Variants in C1orf141 observed in about 807,000 individuals in gnomAD.
C1orf141 encodes the protein chromosome 1 open reading frame 141, also known as uncharacterized protein C1orf141.
A neutral mutation model predicts 23.2 loss-of-function variants in C1orf141; 19 were observed. The observed-to-expected ratio is 0.82, with a 90% CI of 0.57 to 1.20. The LOEUF is 1.20. Ranked by LOEUF, C1orf141 falls within the 50% of genes most tolerant of loss-of-function variation. C1orf141 has a pLI of 0.00. For synonymous variants in C1orf141, 153 were observed against 154.6 expected, an observed-to-expected ratio of 0.99 and a Z score of 0.08; for missense variants, 469 against 455.1, an observed-to-expected ratio of 1.03 and a Z score of -0.28.
intron 2 of C1orf141, among the ~76,000 whole-genome samples, chr1:67,129,530 A>G (rs1257885889): frequency 6.6e-6 from 1 of 152,136 alleles, no homozygotes; most frequent in East Asian, 1.9e-4. Flanking sequence ...CTGCCTTGTG[A>G]CGAACCACAC....
intron 7 of C1orf141, chr1:67,094,028 C>T (rs1005136885): frequency 6.5e-6 from 1 of 152,684 alleles, no homozygotes; most frequent in Non-Finnish European, 1.5e-5. Flanking sequence ...GATTACAAGC[C>T]AAAATTACAA....
Position 67,092,958 on chromosome 1 carries a change from TG to T in C1orf141, c.*46del. On this transcript the variant is annotated 3_prime_UTR_variant, in exon 8 of 8. Coordinates refer to ENST00000684719, the MANE Select transcript of C1orf141 (RefSeq NM_001276351.2). ...GAATTTCTTTTATAATTTTGGAACT[TG>T]GATATTTGCTTCTTGTTACTCAAAT... 6.9e-7 allele frequency: 1 copy of T among 1,446,434 alleles called. No individual in the cohort carries two copies. Among genetic ancestry groups the T allele is most frequent in the Non-Finnish European group, 9.4e-7 (1 of 1,065,658 alleles). The allele number at this position is 1,446,434 out of a possible 1,614,324, so 89.6% of individuals were successfully genotyped here. A position where few individuals can be genotyped will look rare whatever the true frequency, so the allele number is the denominator to read the frequency against.
At chr1:67,104,350 T>C (rs1645873764) in intron 5 of C1orf141, among the ~76,000 whole-genome samples, 1 of 152,130 alleles carries the variant, frequency 6.6e-6, no homozygotes, top group South Asian at 2.1e-4. Flanking sequence ...AAAAATAGCA[T>C]ATTTATAGCA....
intron 5 of C1orf141, among the ~76,000 whole-genome samples, chr1:67,105,903 G>C (rs1349428028): frequency 6.6e-6 from 1 of 152,146 alleles, no homozygotes; most frequent in Admixed American, 6.6e-5. Context: ...AGGACAAACA[G>C]AGCTGCTGGA....
chr1:67,100,344 A>C (rs114884340), intron 5 of C1orf141, among the ~76,000 whole-genome samples: 1 of 152,042 alleles, frequency 6.6e-6, no homozygotes, highest in African/African-American at 2.4e-5. Context: ...TCAGATTTCA[A>C]TTTGGTTTAC....
chr1:67,108,273 C>A (rs189051677), intron 5 of C1orf141, among the ~76,000 whole-genome samples: 34 of 152,258 alleles, frequency 2.2e-4, no homozygotes, highest in East Asian at 5.8e-4. Context: ...GGCTCGCTCT[C>A]GGATTCATAG....
intron 5 of C1orf141, among the ~76,000 whole-genome samples, chr1:67,101,216 C>G (rs534251149): frequency 6.6e-6 from 1 of 152,090 alleles, no homozygotes; most frequent in Non-Finnish European, 1.5e-5. Flanking sequence ...AGTCCCTGCT[C>G]CTTCAAGTTA....
chr1:67,108,808 A>G (rs1002002601), intron 5 of C1orf141, among the ~76,000 whole-genome samples: 4 of 152,208 alleles, frequency 2.6e-5, no homozygotes, highest in African/African-American at 9.7e-5. Context: ...AATTTTCAAA[A>G]TAAGATATAC....
chr1:67,112,241 A>G (rs912872444), intron 5 of C1orf141, among the ~76,000 whole-genome samples: 4 of 152,242 alleles, frequency 2.6e-5, no homozygotes, highest in Non-Finnish European at 4.4e-5. Context: ...TTTCTGAGTT[A>G]AATGAAATAA....
At chr1:67,103,872 T>C (rs953223936) in intron 5 of C1orf141, among the ~76,000 whole-genome samples, 2 of 152,120 alleles carry the variant, frequency 1.3e-5, no homozygotes, top group African/African-American at 4.8e-5. Context: ...ATTGGGTCCA[T>C]ATATTTTTTA....
At position 67,127,228 on chromosome 1, in the gene C1orf141, T is replaced by C; in HGVS notation, c.13A>G (p.Ile5Val). The change falls in exon 3 of 8, where the codon ATC (isoleucine) becomes GTC (valine). Residue 5 changes from isoleucine (I) to valine (V), a missense_variant. Transcript: ENST00000684719. ...TCAAGGACATCCAACTTCTCTAGGA[T>C]TTTTTCTGCCATTGTCAATCACTAA... The part of the protein sequence containing the change: MAEK[I>V]LEKLDVLDKQ... 2 of 1,605,324 alleles carry C rather than the reference T, an allele frequency of 1.2e-6. No individual in the cohort carries two copies. The highest frequency in any genetic ancestry group is 8.5e-7 in the Non-Finnish European group (1 of 1,175,542).
chr1:67,093,525 G>A lies in C1orf141; in HGVS notation c.683C>T (p.Ser228Phe). 1 of 1,605,702 alleles carries A rather than the reference G, an allele frequency of 6.2e-7. No homozygotes were observed. Among genetic ancestry groups the A allele is most frequent in the Non-Finnish European group, 8.5e-7 (1 of 1,174,678 alleles). ...RMLLLTKNRF[S>F]SHPLENENIY... ...GTTTTCATTTTCCAAAGGATGAGAA[G>A]AAAATCTATTTTTTGTCAAAAGTAA... Residue 228 changes from serine (S) to phenylalanine (F), a missense_variant, in exon 8 of 8, where the codon TCT becomes TTT. This residue lies in a region of C1orf141 where 370 missense variants were observed against 348.1 expected (regional missense o/e 1.06). Coordinates refer to ENST00000684719, the MANE Select transcript of C1orf141 (RefSeq NM_001276351.2).
chr1:67,107,190 T>C (rs1286684957), intron 5 of C1orf141, among the ~76,000 whole-genome samples: 1 of 152,158 alleles, frequency 6.6e-6, no homozygotes. Context: ...GTTGATGATG[T>C]ATACTTTAAT....
upstream of C1orf141, among the ~76,000 whole-genome samples, chr1:67,138,026 A>G (rs1277146957): frequency 2.0e-5 from 3 of 152,222 alleles, no homozygotes. Flanking sequence ...TTCCTTAGGA[A>G]AAGCTGCCTC....
intron 5 of C1orf141, among the ~76,000 whole-genome samples, chr1:67,099,732 C>T (rs1645757050): frequency 6.6e-6 from 1 of 152,132 alleles, no homozygotes; most frequent in Non-Finnish European, 1.5e-5. Flanking sequence ...GCCAGGGTTG[C>T]GCCATTGCAC....
chr1:67,134,436 C>G (rs1420704645), intron 1 of C1orf141, among the ~76,000 whole-genome samples: 2 of 152,238 alleles, frequency 1.3e-5, no homozygotes, highest in African/African-American at 4.8e-5. Flanking sequence ...AATCGCAGCA[C>G]AATTACCGCA....
chr1:67,127,188 ATC>A lies in C1orf141; in HGVS notation c.51_52del (p.Glu17AspfsTer15), dbSNP rs1646431344. 3 of 1,609,192 alleles carry A rather than the reference ATC, an allele frequency of 1.9e-6. No homozygotes were observed. Among genetic ancestry groups the A allele is most frequent in the Non-Finnish European group, 1.7e-6 (2 of 1,178,154 alleles). On this transcript the variant is annotated frameshift_variant, in exon 3 of 8. Coordinates refer to ENST00000684719, the MANE Select transcript of C1orf141 (RefSeq NM_001276351.2). LOFTEE classifies it high-confidence loss of function. ...AACCTTTGTTCTTCTGGCCAAGATTATCTCTGCTTGCTTATCAAGGACATCCA... is the reference window on the plus strand; with the variant it reads ...AACCTTTGTTCTTCTGGCCAAGATTATCTGCTTGCTTATCAAGGACATCCA...
At chr1:67,112,654 C>T (rs1005595924) in intron 5 of C1orf141, among the ~76,000 whole-genome samples, 4 of 152,024 alleles carry the variant, frequency 2.6e-5, no homozygotes, top group African/African-American at 9.7e-5. Context: ...TGAGCCGTGA[C>T]CACACTGCTG....
chr1:67,100,957 G>C (rs1570682797), intron 5 of C1orf141, among the ~76,000 whole-genome samples: 1 of 152,230 alleles, frequency 6.6e-6, no homozygotes, highest in Non-Finnish European at 1.5e-5. Flanking sequence ...ACCCCAGGGT[G>C]GTGGTGGTGG....
Sources: allele counts gnomAD v4.1 joint callset (sites outside exome capture counted in the v4.1 genomes callset), GRCh38; gene constraint gnomAD v4.1.1; regional missense constraint gnomAD v4.1.1; transcripts MANE v1.5; gene names NCBI Gene and HGNC (gene_info 2026-07-23, HGNC 2026-07-21).